Variants in STK3 observed in about 807,000 individuals in gnomAD.
STK3 encodes the protein serine/threonine kinase 3.
Under a neutral mutation model 58.0 loss-of-function variants are expected in STK3, and 41 were observed. The ratio of observed to expected loss-of-function variants is 0.71; its 90% CI spans 0.55 to 0.92. STK3 has a LOEUF of 0.92. Among genes scored for constraint, STK3 ranks in the 40% least tolerant of loss-of-function variants. The probability of loss-of-function intolerance (pLI) is 0.00; values close to 1 mark genes in which losing one functional copy is unlikely to be tolerated. For missense variants in STK3, 479 were observed against 602.7 expected, an observed-to-expected ratio of 0.79 and a Z score of 2.15; for synonymous variants, 170 against 191.0, an observed-to-expected ratio of 0.89 and a Z score of 0.91.
chr8:98,469,794 A>G (rs765440176), intron 10 of STK3, among the ~76,000 whole-genome samples: 8 of 152,364 alleles, frequency 5.3e-5, no homozygotes, highest in Middle Eastern at 3.4e-3. Context: ...TGACCATATG[A>G]AAGACATATT....
chr8:98,798,687 G>C lies in STK3; in HGVS notation c.27-23868C>G, dbSNP rs537587948. 1.9e-4 allele frequency among the ~76,000 whole-genome samples: 29 copies of C among 152,284 alleles called. No individual in the cohort carries two copies. The East Asian group carries it at 5.2e-3, about 27-fold the overall frequency. On this transcript the variant is annotated intron_variant, in intron 1 of 10. Coordinates refer to ENST00000419617, the MANE Select transcript of STK3 (RefSeq NM_006281.4). The stretch of plus-strand genomic sequence containing the variant: ...GATATGTCCCCTCCAAAATTCAGGT[G>C]CTGAATCTAAACGGTCAATGTCATG...
In STK3 at chr8:98,632,605, T is replaced by C. The variant is rs116093992; in HGVS notation, c.685-36436A>G. Among the ~76,000 whole-genome samples the C allele has an allele frequency of 4.0e-3, 604 of 152,336 alleles. 3 individuals are homozygous for C. Among genetic ancestry groups the C allele is most frequent in the African/African-American group, 0.013 (531 of 41,570 alleles). On this transcript the variant is annotated intron_variant, in intron 6 of 10. Coordinates refer to ENST00000419617, the MANE Select transcript of STK3 (RefSeq NM_006281.4). ...ATTCTATTGGACATATGCCATACTA[T>C]AGTCAGTAAAGTTCAACATTAACAT... is the stretch of plus-strand genomic sequence containing the variant.
chr8:98,802,034 T>A (rs1833588994), intron 1 of STK3, among the ~76,000 whole-genome samples: 1 of 152,134 alleles, frequency 6.6e-6, no homozygotes, highest in Non-Finnish European at 1.5e-5. Context: ...TAGCCAGGCA[T>A]AGTAATGGGT....
chr8:98,746,464 T>A (rs1829648586), intron 4 of STK3, among the ~76,000 whole-genome samples: 3 of 151,944 alleles, frequency 2.0e-5, no homozygotes, highest in Admixed American at 6.6e-5. Context: ...ATCAAAAAAA[T>A]TAGCCAGGCA....
At chr8:98,760,967 G>A (rs1325350607) in intron 3 of STK3, among the ~76,000 whole-genome samples, 3 of 151,834 alleles carry the variant, frequency 2.0e-5, no homozygotes, top group Non-Finnish European at 2.9e-5. Context: ...CAAATTATAC[G>A]GACTGAATCA....
chr8:98,731,579 C>T (rs747219995), intron 4 of STK3, among the ~76,000 whole-genome samples: 4 of 151,974 alleles, frequency 2.6e-5, no homozygotes, highest in Non-Finnish European at 4.4e-5. Context: ...AAAAATTAGC[C>T]AGGCGTGGTG....
At chr8:98,892,842 A>T (rs1313476180) in intron 1 of STK3, among the ~76,000 whole-genome samples, 4 of 152,236 alleles carry the variant, frequency 2.6e-5, no homozygotes, top group Non-Finnish European at 5.9e-5. Flanking sequence ...TTTGTTGACT[A>T]AATGAACAAG....
intron 1 of STK3, among the ~76,000 whole-genome samples, chr8:98,806,177 A>G (rs145457099): frequency 6.6e-6 from 1 of 152,184 alleles, no homozygotes; most frequent in Non-Finnish European, 1.5e-5. Flanking sequence ...AACCTCACAC[A>G]CTACTGTTTA....
chr8:98,776,856 C>T (rs1426680786), intron 1 of STK3, among the ~76,000 whole-genome samples: 1 of 151,596 alleles, frequency 6.6e-6, no homozygotes, highest in Non-Finnish European at 1.5e-5. Context: ...CGAGACCATC[C>T]TGGCTAACAC....
At position 98,625,779 on chromosome 8, in the gene STK3, A is replaced by G. The variant is rs549894404; in HGVS notation, c.685-29610T>C. ...TTTAAAGTTGTGAGGAAGAAAAAGAAGTGTTTGTCGTAACTGACAACAGAC... is the reference window on the plus strand; with the variant it reads ...TTTAAAGTTGTGAGGAAGAAAAAGAGGTGTTTGTCGTAACTGACAACAGAC... On this transcript the variant is annotated intron_variant, in intron 6 of 10. Transcript: ENST00000419617. Among the ~76,000 whole-genome samples the G allele has an allele frequency of 5.9e-5, 9 of 152,322 alleles. 1 individual carries two copies. Among genetic ancestry groups the G allele is most frequent in the African/African-American group, 2.2e-4 (9 of 41,568 alleles).
At chr8:98,708,708 A>G (rs759908711) in intron 4 of STK3, among the ~76,000 whole-genome samples, 1 of 152,194 alleles carries the variant, frequency 6.6e-6, no homozygotes, top group Non-Finnish European at 1.5e-5. Flanking sequence ...ATATTATGAA[A>G]TCACAGGAAA....
chr8:98,532,335 T>TGGGGCAGCAGAC (rs973652047), intron 9 of STK3, among the ~76,000 whole-genome samples: 36 of 152,250 alleles, frequency 2.4e-4, no homozygotes, highest in African/African-American at 8.7e-4. Flanking sequence ...AGAGACAAGG[T>TGGGGCAGCAGAC]AATGGCCTGC....
intron 8 of STK3, among the ~76,000 whole-genome samples, chr8:98,556,974 T>C (rs1811636977): frequency 6.6e-6 from 1 of 152,074 alleles, no homozygotes; most frequent in Non-Finnish European, 1.5e-5. Flanking sequence ...TTAATTTGAA[T>C]AAAATAGGTA....
At chr8:98,350,858 T>G in the STK3 span, among the ~76,000 whole-genome samples, 1 of 152,104 alleles carries the variant, frequency 6.6e-6, no homozygotes. Context: ...CAACTCAAAA[T>G]GAGATTTGGG....
chr8:98,901,995 C>T (rs1187565646), intron 1 of STK3, among the ~76,000 whole-genome samples: 1 of 152,156 alleles, frequency 6.6e-6, no homozygotes, highest in Admixed American at 6.5e-5. Context: ...TTTTGCTGCC[C>T]AGGAAGTCTC....
At chr8:98,397,093 A>G (rs1817903421), downstream of STK3, among the ~76,000 whole-genome samples, 1 of 152,212 alleles carries the variant, frequency 6.6e-6, no homozygotes, top group Non-Finnish European at 1.5e-5. Context: ...GTGCAACAGA[A>G]TCTGAACGTT....
chr8:98,493,981 T>C (rs1822916141), intron 10 of STK3, among the ~76,000 whole-genome samples: 1 of 152,236 alleles, frequency 6.6e-6, no homozygotes, highest in Non-Finnish European at 1.5e-5. Flanking sequence ...AATATCAATT[T>C]CATTGCTTTT....
chr8:98,874,773 C>T (rs1038094729), intron 3 of STK3, among the ~76,000 whole-genome samples: 5 of 151,532 alleles, frequency 3.3e-5, no homozygotes, highest in African/African-American at 1.2e-4. Context: ...ACTACAGGTG[C>T]ACACCATCAC....
At chr8:98,761,182 G>A (rs1277946681) in intron 3 of STK3, among the ~76,000 whole-genome samples, 1 of 149,986 alleles carries the variant, frequency 6.7e-6, no homozygotes, top group Non-Finnish European at 1.5e-5. Flanking sequence ...GGAGTGCAGT[G>A]GCATGATCTC....
Sources: gnomAD v4.1 joint callset for allele counts (sites outside exome capture counted in the v4.1 genomes callset) on GRCh38, gnomAD v4.1.1 for gene constraint, MANE v1.5 for transcripts, NCBI Gene and HGNC (gene_info 2026-07-23, HGNC 2026-07-21) for gene names.